ASPSCR1: variants seen among roughly 807,000 people sequenced by gnomAD.
The protein encoded by ASPSCR1 is tether containing UBX domain for GLUT4.
A neutral mutation model predicts 68.9 loss-of-function variants in ASPSCR1; 55 were observed. The observed-to-expected ratio is 0.80, with a 90% CI of 0.64 to 1.00. ASPSCR1 has a LOEUF of 1.00. Among genes scored for constraint, ASPSCR1 ranks in the 50% least tolerant of loss-of-function variants. The probability of loss-of-function intolerance (pLI) is 0.00; values close to 1 mark genes in which losing one functional copy is unlikely to be tolerated. For synonymous variants in ASPSCR1, 352 were observed against 332.6 expected, an observed-to-expected ratio of 1.06 and a Z score of -0.63; for missense variants, 765 against 762.2, an observed-to-expected ratio of 1.00 and a Z score of -0.04.
intron 1 of ASPSCR1, 109 bp from the exon 2 acceptor site, chr17:81,979,075 C>T: frequency 8.3e-7 from 1 of 1,208,936 alleles, no homozygotes; most frequent in Non-Finnish European, 1.2e-6. Flanking sequence ...TTTGCCTGGG[C>T]AGAGCCACCT....
At chr17:82,010,325 C>T (rs531688038) in intron 9 of ASPSCR1, among the ~76,000 whole-genome samples, 31 of 151,180 alleles carry the variant, frequency 2.1e-4, no homozygotes, top group Admixed American at 1.1e-3. Context: ...GTCAGGAGAT[C>T]GAGACCATCC....
chr17:82,016,753 G>C, intron 13 of ASPSCR1, 47 bp from the exon 14 acceptor site: 1 of 1,585,238 alleles, frequency 6.3e-7, no homozygotes, highest in Non-Finnish European at 8.6e-7. Context: ...TGGATGGTGA[G>C]TGGACCCCTC....
rs138532070 is a variant in ASPSCR1, at chr17:81,990,741, G to A, written c.375-4080G>A. On this transcript the variant is annotated intron_variant, in intron 4 of 15. Coordinates refer to ENST00000306739, the MANE Select transcript of ASPSCR1 (RefSeq NM_024083.4). The surrounding 1 kb of genome is among the most constrained non-coding windows in gnomAD (Gnocchi z 4.1). The stretch of plus-strand genomic sequence containing the variant: ...GTACACGGCCCTCCTGGAGGCACCC[G>A]GAGGAGGAAAGGGAGTACCTTTCTG... 5.3e-5 allele frequency among the ~76,000 whole-genome samples: 8 copies of A among 152,280 alleles called. No homozygotes were observed. Among genetic ancestry groups the A allele is most frequent in the African/African-American group, 1.4e-4 (6 of 41,554 alleles).
At chr17:82,003,308 C>T (rs1020645010) in intron 7 of ASPSCR1, among the ~76,000 whole-genome samples, 3 of 152,150 alleles carry the variant, frequency 2.0e-5, no homozygotes, top group African/African-American at 4.8e-5. Flanking sequence ...ATTAGTAGGG[C>T]GTGATGGTGT....
chr17:82,010,939 C>T (rs1293081499), intron 10 of ASPSCR1, 71 bp downstream of exon 10: 3 of 1,554,790 alleles, frequency 1.9e-6, no homozygotes, highest in Non-Finnish European at 1.8e-6. Flanking sequence ...CTCCTTCCTT[C>T]CAGGCCACAG....
intron 10 of ASPSCR1, among the ~76,000 whole-genome samples, 161 bp from the exon 11 acceptor site, chr17:82,011,382 C>G (rs986818578): frequency 1.3e-5 from 2 of 152,178 alleles, no homozygotes; most frequent in Non-Finnish European, 2.9e-5. Context: ...GCACGGTGGC[C>G]CAGCCACGCC....
At chr17:82,000,172 G>A (rs1453395983) in intron 7 of ASPSCR1, among the ~76,000 whole-genome samples, 1 of 152,268 alleles carries the variant, frequency 6.6e-6, no homozygotes, top group African/African-American at 2.4e-5. Context: ...TGGCTGTCAT[G>A]TTCCCCCATT....
rs1357642116 is a variant in ASPSCR1 at position 82,016,512 on chromosome 17, G to C, written c.1390G>C (p.Ala464Pro). The stretch of plus-strand genomic sequence containing the variant: ...CCCGGCCGCTCTGGTGCACTTGGGA[G>C]CCGAGGAGCCGGCAGGTGAGTGTCA... ...LFPAALVHLG[A>P]EEPAGVYLEP... Residue 464 changes from alanine (A) to proline (P), a missense_variant, in exon 13 of 16, where the codon GCC (alanine) becomes CCC (proline). By Grantham distance (27) the Ala-to-Pro change is conservative. Coordinates refer to ENST00000306739, the MANE Select transcript of ASPSCR1 (RefSeq NM_024083.4). The C allele has an allele frequency of 1.9e-6, 3 of 1,549,134 alleles. No homozygotes were observed. The Admixed American group carries it at 5.9e-5, about 30-fold the overall frequency.
At chr17:81,978,066 G>T in intron 1 of ASPSCR1, 1 of 185,522 alleles carries the variant, frequency 5.4e-6, no homozygotes, top group Middle Eastern at 2.0e-3. Flanking sequence ...GAAGAGGGAG[G>T]AGTGGAGCCC....
intron 3 of ASPSCR1, among the ~76,000 whole-genome samples, chr17:81,984,168 C>T (rs994756242): frequency 6.6e-6 from 1 of 152,158 alleles, no homozygotes; most frequent in Non-Finnish European, 1.5e-5. Context: ...CGTCATTCTT[C>T]ATGTGGAAGT....
At chr17:82,008,979 C>T (rs2042816563) in intron 7 of ASPSCR1, 58 bp from the exon 8 acceptor site, 9 of 1,434,196 alleles carry the variant, frequency 6.3e-6, no homozygotes, top group Admixed American at 2.7e-5. Context: ...ACTGACAGCC[C>T]GGGGTGCGGA....
intron 10 of ASPSCR1, 103 bp downstream of exon 10, chr17:82,010,971 G>T: frequency 7.3e-7 from 1 of 1,366,608 alleles, no homozygotes. Flanking sequence ...CCTGGCCTGC[G>T]GGCTCCAGGG....
rs960082379 is a variant in ASPSCR1 at position 81,983,747 on chromosome 17, G to C, written c.273+79G>C. 10 of 1,202,270 alleles carry C rather than the reference G, an allele frequency of 8.3e-6. No individual in the cohort carries two copies. The highest frequency in any genetic ancestry group is 1.2e-5 in the Non-Finnish European group (10 of 840,568). 74.5% of individuals were successfully genotyped at this position (1,202,270 alleles called of 1,614,324 possible). A position where few individuals can be genotyped will look rare whatever the true frequency, so the allele number is the denominator to read the frequency against. ...GGCCAGGGACGGGGGACGGGACAGT[G>C]GGGGGTGCTGGGGAAGGAGGGACAT... is the stretch of plus-strand genomic sequence containing the variant. On this transcript the variant is annotated intron_variant, in intron 3 of 15. Transcript: ENST00000306739. The surrounding 1 kb of genome is among the most constrained non-coding windows in gnomAD (Gnocchi z 4.4).
chr17:81,992,354 C>T (rs1183747061), intron 4 of ASPSCR1, among the ~76,000 whole-genome samples: 4 of 152,238 alleles, frequency 2.6e-5, no homozygotes, highest in Non-Finnish European at 5.9e-5. Flanking sequence ...ACCACCCCTC[C>T]CTGAGATCCC....
chr17:81,986,351 G>C lies in ASPSCR1; in HGVS notation c.374+744G>C, dbSNP rs1156921587. Among the ~76,000 whole-genome samples the C allele has an allele frequency of 1.3e-5, 2 of 152,164 alleles. No individual in the cohort carries two copies. The highest frequency in any genetic ancestry group is 2.9e-5 in the Non-Finnish European group (2 of 68,038). On this transcript the variant is annotated intron_variant, in intron 4 of 15. Transcript: ENST00000306739. This position sits in a 1 kb window ranked among gnomAD's most constrained non-coding sequence, Gnocchi z 5.2. ...AGAGGCTGAGGTGGGAGGATCACTTGAGCCGTGGAGGCAGTTGCAGTGAGC... is the reference window on the plus strand; with the variant it reads ...AGAGGCTGAGGTGGGAGGATCACTTCAGCCGTGGAGGCAGTTGCAGTGAGC...
rs752471492 is a variant in ASPSCR1 at position 81,987,054 on chromosome 17, G to A, written c.374+1447G>A. On this transcript the variant is annotated intron_variant, in intron 4 of 15. Coordinates refer to ENST00000306739, the MANE Select transcript of ASPSCR1 (RefSeq NM_024083.4). The surrounding 1 kb of genome is among the most constrained non-coding windows in gnomAD (Gnocchi z 5.6). Reference sequence around the variant, plus strand: ...GCCAAAGCCACGGGCAGGGGTGAGCGGGACCCGAGGCAGGAGATGACGGAG... The same window carrying A: ...GCCAAAGCCACGGGCAGGGGTGAGCAGGACCCGAGGCAGGAGATGACGGAG... 5.9e-5 allele frequency among the ~76,000 whole-genome samples: 9 copies of A among 152,036 alleles called. No individual in the cohort carries two copies. Among genetic ancestry groups the A allele is most frequent in the East Asian group, 1.9e-4 (1 of 5,182 alleles).
chr17:81,994,830 G>C lies in ASPSCR1; in HGVS notation c.384G>C (p.Leu128=), dbSNP rs765054267. ...LSHFPQIREC[L]QHPGGATPVC... ...TTTCCTCTCCTCCCAGGGAGTGCCT[G>C]CAGCACCCCGGCGGGGCCACCCCAG... Residue 128 remains leucine, a synonymous_variant, in exon 5 of 16, where the codon CTG becomes CTC. Transcript: ENST00000306739. The C allele has an allele frequency of 6.2e-7, 1 of 1,613,402 alleles. No individual in the cohort carries two copies. Among genetic ancestry groups the C allele is most frequent in the Non-Finnish European group, 8.5e-7 (1 of 1,179,958 alleles).
intron 12 of ASPSCR1, chr17:82,012,897 C>T (rs2042998082): frequency 6.4e-6 from 1 of 157,012 alleles, no homozygotes; most frequent in African/African-American, 2.4e-5. Context: ...CAATGAATGT[C>T]CTGTCCTTGG....
intron 7 of ASPSCR1, among the ~76,000 whole-genome samples, chr17:82,004,065 G>A (rs1316513521): frequency 6.6e-6 from 1 of 152,228 alleles, no homozygotes; most frequent in Non-Finnish European, 1.5e-5. Flanking sequence ...CTCCGAATGG[G>A]TTCACATTTT....
Sources: gnomAD v4.1 joint callset for allele counts (sites outside exome capture counted in the v4.1 genomes callset) on GRCh38, gnomAD v4.1.1 for gene constraint, Gnocchi (gnomAD v3.1) non-coding constraint, MANE v1.5 for transcripts, NCBI Gene and HGNC (gene_info 2026-07-23, HGNC 2026-07-21) for gene names.